SHOC2: variants seen among roughly 807,000 people sequenced by gnomAD.
The protein encoded by SHOC2 is leucine-rich repeat protein SHOC-2.
A neutral mutation model predicts 50.2 loss-of-function variants in SHOC2; 4 were observed. The ratio of observed to expected loss-of-function variants is 0.08; its 90% confidence interval spans 0.04 to 0.18. SHOC2 has a LOEUF of 0.18. Among genes scored for constraint, SHOC2 ranks in the 10% least tolerant of loss-of-function variants. The pLI is 1.00. For missense variants in SHOC2, 388 were observed against 669.6 expected, an observed-to-expected ratio of 0.58 and a Z score of 4.64; for synonymous variants, 218 against 244.5, an observed-to-expected ratio of 0.89 and a Z score of 1.01.
At chr10:110,948,587 C>T (rs911958891) in intron 1 of SHOC2, among the ~76,000 whole-genome samples, 8 of 152,156 alleles carry the variant, frequency 5.3e-5, no homozygotes, top group Admixed American at 4.6e-4. Flanking sequence ...AGGAGGAAAA[C>T]TGGAAAATTT....
intron 1 of SHOC2, among the ~76,000 whole-genome samples, chr10:110,926,597 C>T (rs1283869232): frequency 6.6e-6 from 1 of 152,182 alleles, no homozygotes; most frequent in African/African-American, 2.4e-5. Flanking sequence ...TTTGTAAAAA[C>T]AGCAGTTTAT....
chr10:111,005,613 T>C (rs1848452395), intron 5 of SHOC2, among the ~76,000 whole-genome samples: 1 of 152,208 alleles, frequency 6.6e-6, no homozygotes, highest in Admixed American at 6.5e-5. Flanking sequence ...TTTGCCAAAA[T>C]GTTTAGAGAT....
intron 1 of SHOC2, among the ~76,000 whole-genome samples, chr10:110,950,569 A>G (rs1289874529): frequency 6.6e-6 from 1 of 152,228 alleles, no homozygotes; most frequent in Non-Finnish European, 1.5e-5. Context: ...AGCCATAGCA[A>G]GAACAATTCT....
rs1417688739 is a variant in SHOC2 at position 110,948,601 on chromosome 10, A to G, written c.-234-15524A>G. 2.6e-5 allele frequency among the ~76,000 whole-genome samples: 4 copies of G among 152,208 alleles called. 1 individual carries two copies. The highest frequency in any genetic ancestry group is 4.4e-5 in the Non-Finnish European group (3 of 68,020). On this transcript the variant is annotated intron_variant, in intron 1 of 8. Transcript: ENST00000369452. ...CAGGAGGAAAACTGGAAAATTTACA[A>G]ATATGTGGAAATTAACACATTCCTG...
At chr10:110,996,487 C>T (rs1848270487) in intron 3 of SHOC2, among the ~76,000 whole-genome samples, 1 of 151,400 alleles carries the variant, frequency 6.6e-6, no homozygotes, top group Non-Finnish European at 1.5e-5. Context: ...ATGATTGCGC[C>T]ACTGCATTCC....
chr10:110,997,603 T>C (rs1248158450), intron 3 of SHOC2, among the ~76,000 whole-genome samples: 1 of 152,168 alleles, frequency 6.6e-6, no homozygotes, highest in Non-Finnish European at 1.5e-5. Flanking sequence ...AACTTTAGTA[T>C]GTACAGAATA....
intron 1 of SHOC2, among the ~76,000 whole-genome samples, chr10:110,927,061 T>C (rs187848192): frequency 6.6e-6 from 1 of 152,328 alleles, no homozygotes; most frequent in Admixed American, 6.5e-5. Flanking sequence ...GTTGCATTGA[T>C]AAGACAAAAT....
chr10:110,943,438 T>C (rs956088469), intron 1 of SHOC2, among the ~76,000 whole-genome samples: 4 of 152,232 alleles, frequency 2.6e-5, no homozygotes, highest in Non-Finnish European at 4.4e-5. Context: ...TATATCTCTG[T>C]ATTGATATTC....
intron 1 of SHOC2, among the ~76,000 whole-genome samples, chr10:110,945,893 C>G (rs1847237413): frequency 6.6e-6 from 1 of 152,206 alleles, no homozygotes; most frequent in Non-Finnish European, 1.5e-5. Flanking sequence ...CACCCCCAAT[C>G]AGGTTCTGAT....
intron 1 of SHOC2, among the ~76,000 whole-genome samples, chr10:110,934,887 G>C (rs1846972079): frequency 1.3e-5 from 2 of 152,018 alleles, no homozygotes; most frequent in South Asian, 4.1e-4. Flanking sequence ...ACATGCATGT[G>C]GTGTAAAATT....
chr10:110,969,760 TTCATGTGGG>T (rs1231626898), intron 2 of SHOC2, among the ~76,000 whole-genome samples: 1 of 152,188 alleles, frequency 6.6e-6, no homozygotes, highest in East Asian at 1.9e-4. Flanking sequence ...AGTATATAAT[TTCATGTGGG>T]TCTAGTTGTC....
intron 1 of SHOC2, among the ~76,000 whole-genome samples, chr10:110,950,716 C>T (rs984135690): frequency 1.3e-5 from 2 of 152,092 alleles, no homozygotes; most frequent in African/African-American, 4.8e-5. Flanking sequence ...ACCATGTGTA[C>T]AATCAGTTGA....
At chr10:111,002,585 A>G (rs1346332358) in intron 4 of SHOC2, among the ~76,000 whole-genome samples, 3 of 152,192 alleles carry the variant, frequency 2.0e-5, no homozygotes, top group Admixed American at 1.3e-4. Context: ...TAAACCTACT[A>G]GTTATTGGAG....
At chr10:110,961,151 G>T (rs916653283) in intron 1 of SHOC2, among the ~76,000 whole-genome samples, 2 of 152,008 alleles carry the variant, frequency 1.3e-5, no homozygotes, top group African/African-American at 4.8e-5. Context: ...AATTATTGTT[G>T]CAATTTTATG....
intron 8 of SHOC2, among the ~76,000 whole-genome samples, chr10:111,011,210 A>G (rs1409078864): frequency 6.6e-6 from 1 of 152,240 alleles, no homozygotes; most frequent in East Asian, 1.9e-4. Context: ...AAAAGTGGTT[A>G]TAGACATTGA....
chr10:110,952,808 C>A (rs529381708), intron 1 of SHOC2, among the ~76,000 whole-genome samples: 1 of 152,238 alleles, frequency 6.6e-6, no homozygotes, highest in East Asian at 1.9e-4. Flanking sequence ...TGAGAACATG[C>A]AATGTTTGGT....
chr10:110,956,750 T>G (rs980197818), intron 1 of SHOC2, among the ~76,000 whole-genome samples: 7 of 152,166 alleles, frequency 4.6e-5, no homozygotes, highest in African/African-American at 1.7e-4. Context: ...ATATAATCAT[T>G]GTGTTTTTCA....
intron 1 of SHOC2, among the ~76,000 whole-genome samples, chr10:110,922,042 A>G (rs1846663270): frequency 6.6e-6 from 1 of 152,086 alleles, no homozygotes; most frequent in Admixed American, 6.5e-5. Flanking sequence ...TGTAGCAAGT[A>G]AAAGGTCATG....
chr10:110,976,126 G>A (rs1041541653), intron 2 of SHOC2, among the ~76,000 whole-genome samples: 2 of 151,912 alleles, frequency 1.3e-5, no homozygotes, highest in Admixed American at 1.3e-4. Context: ...AGCCAGGCTG[G>A]TCTCAAATTC....
Sources: allele counts gnomAD v4.1 joint callset (sites outside exome capture counted in the v4.1 genomes callset), GRCh38; gene constraint gnomAD v4.1.1; transcripts MANE v1.5; gene names NCBI Gene and HGNC (gene_info 2026-07-23, HGNC 2026-07-21).